The following TADA2A variants were observed in gnomAD, a reference collection of about 807,000 sequenced individuals.
TADA2A encodes the protein transcriptional adapter 2-alpha.
TADA2A carries 38 observed loss-of-function variants against 67.4 expected under a neutral mutation model. That is an observed-to-expected ratio of 0.56 (90% CI 0.44 to 0.74). TADA2A has a LOEUF of 0.74. Among genes scored for constraint, TADA2A ranks in the 30% least tolerant of loss-of-function variants. TADA2A has a pLI of 0.00. For missense variants in TADA2A, 454 were observed against 547.0 expected (o/e 0.83, Z 1.70); for synonymous variants, 192 against 181.6 (o/e 1.06, Z -0.46).
chr17:37,421,442 A>C (rs2052229631), intron 2 of TADA2A, among the ~76,000 whole-genome samples: 1 of 146,712 alleles, frequency 6.8e-6, no homozygotes, highest in Admixed American at 6.9e-5. Flanking sequence ...CTCAAATATA[A>C]AATAGTATAT....
intron 11 of TADA2A, among the ~76,000 whole-genome samples, chr17:37,466,139 G>A (rs2053660238): frequency 6.6e-6 from 1 of 152,176 alleles, no homozygotes; most frequent in Non-Finnish European, 1.5e-5. Context: ...GTTGTTATGA[G>A]GCCGGGCGTG....
At chr17:37,407,645 T>TC (rs2051639326) in intron 1 of TADA2A, 1 of 151,980 alleles carries the variant, frequency 6.6e-6, no homozygotes, top group Admixed American at 6.6e-5. Flanking sequence ...TTTTTTTTTT[T>TC]CTCCTAGGCT....
At chr17:37,418,016 G>T (rs889775488) in intron 2 of TADA2A, among the ~76,000 whole-genome samples, 11 of 152,086 alleles carry the variant, frequency 7.2e-5, no homozygotes, top group African/African-American at 2.7e-4. Flanking sequence ...CCCATATGTT[G>T]AATCACTGTG....
rs1597825894 is a variant in TADA2A, at chr17:37,407,421, A to G, written c.-98+472A>G. 3 of 152,420 alleles carry G rather than the reference A, an allele frequency of 2.0e-5. No individual in the cohort carries two copies. In the East Asian group the frequency reaches 5.8e-4, roughly 29 times the overall value. 9.4% of individuals were successfully genotyped at this position (152,420 alleles called of 1,614,324 possible). ...CCGTAAGGATTTGAACGTTGGCTCC[A>G]CAACTCGGGAGCCTGCGCCTTTCCT... On this transcript the variant is annotated intron_variant, in intron 1 of 15. Transcript: ENST00000615182.
chr17:37,412,088 G>A (rs1323744244), intron 2 of TADA2A, among the ~76,000 whole-genome samples: 2 of 152,032 alleles, frequency 1.3e-5, no homozygotes, highest in South Asian at 2.1e-4. Flanking sequence ...GCAGGCGCCT[G>A]TAGTCCCAGC....
chr17:37,442,484 A>G, intron 6 of TADA2A, 80 bp from the exon 7 acceptor site: 1 of 1,035,796 alleles, frequency 9.7e-7, no homozygotes, highest in Middle Eastern at 2.1e-4. Context: ...TTTAAATTTT[A>G]TTTATTCTTG....
chr17:37,421,209 TG>T (rs2052220821), intron 2 of TADA2A, among the ~76,000 whole-genome samples: 1 of 145,926 alleles, frequency 6.9e-6, no homozygotes, highest in South Asian at 2.2e-4. Flanking sequence ...AGTGAGACCC[TG>T]TCTCTACAAA....
intron 2 of TADA2A, among the ~76,000 whole-genome samples, chr17:37,413,746 C>A (rs1462553710): frequency 2.0e-5 from 3 of 150,622 alleles, no homozygotes; most frequent in African/African-American, 7.4e-5. Context: ...AAAGATGATT[C>A]CCCCCCCACC....
intron 2 of TADA2A, among the ~76,000 whole-genome samples, chr17:37,416,467 CT>C (rs1251712001): frequency 1.3e-5 from 2 of 151,944 alleles, no homozygotes; most frequent in Admixed American, 6.6e-5. Flanking sequence ...AGTATACTTG[CT>C]TTTTTACTTT....
chr17:37,445,823 C>T (rs1277506436), intron 8 of TADA2A, among the ~76,000 whole-genome samples: 1 of 151,924 alleles, frequency 6.6e-6, no homozygotes, highest in Non-Finnish European at 1.5e-5. Flanking sequence ...CTATTGGAAT[C>T]TGTATTTCCC....
intron 2 of TADA2A, among the ~76,000 whole-genome samples, chr17:37,413,918 C>T (rs952157037): frequency 8.5e-5 from 13 of 152,178 alleles, no homozygotes; most frequent in Non-Finnish European, 1.3e-4. Flanking sequence ...GCATAGCACT[C>T]GAGAGGTAGT....
intron 2 of TADA2A, among the ~76,000 whole-genome samples, chr17:37,420,049 C>CT (rs1180227384): frequency 6.9e-6 from 1 of 145,934 alleles, no homozygotes; most frequent in East Asian, 2.2e-4. Context: ...TGGCTGATGC[C>CT]TTTTTTAAAA....
chr17:37,416,046 A>G (rs1029345874), intron 2 of TADA2A, among the ~76,000 whole-genome samples: 6 of 150,814 alleles, frequency 4.0e-5, no homozygotes, highest in Non-Finnish European at 7.4e-5. Context: ...AGGCCATTTT[A>G]TGTCTCTTTT....
intron 4 of TADA2A, among the ~76,000 whole-genome samples, chr17:37,433,805 T>C (rs2147950590): frequency 6.6e-6 from 1 of 152,106 alleles, no homozygotes; most frequent in Middle Eastern, 3.4e-3. Context: ...ATACAAAAAA[T>C]TAGCCAGGTA....
intron 7 of TADA2A, among the ~76,000 whole-genome samples, chr17:37,443,105 C>T (rs1006539552): frequency 2.0e-5 from 3 of 151,906 alleles, no homozygotes; most frequent in Non-Finnish European, 4.4e-5. Flanking sequence ...AAGGCTGTAG[C>T]GAGTGGTGAT....
chr17:37,431,876 C>A (rs964139683), intron 4 of TADA2A, among the ~76,000 whole-genome samples: 2 of 152,098 alleles, frequency 1.3e-5, no homozygotes, highest in Non-Finnish European at 2.9e-5. Context: ...TAAACCATCA[C>A]CTTTCTAGAT....
chr17:37,440,393 TA>T, intron 5 of TADA2A, 111 bp from the exon 6 acceptor site: 1 of 1,213,338 alleles, frequency 8.2e-7, no homozygotes, highest in Non-Finnish European at 1.1e-6. Context: ...AATTTGGAAA[TA>T]TGAGAGTATA....
At chr17:37,475,782 A>T (rs2053881037) in intron 15 of TADA2A, among the ~76,000 whole-genome samples, 1 of 152,134 alleles carries the variant, frequency 6.6e-6, no homozygotes, top group African/African-American at 2.4e-5. Context: ...AAATTATGTG[A>T]CCTACTTTTT....
intron 2 of TADA2A, among the ~76,000 whole-genome samples, chr17:37,417,858 T>C (rs1271857300): frequency 5.9e-5 from 9 of 152,082 alleles, no homozygotes; most frequent in Non-Finnish European, 1.3e-4. Context: ...AAATTAAAAA[T>C]AATAATGCTC....
Sources: allele counts gnomAD v4.1 joint callset (sites outside exome capture counted in the v4.1 genomes callset), GRCh38; gene constraint gnomAD v4.1.1; transcripts MANE v1.5; gene names NCBI Gene and HGNC (gene_info 2026-07-23, HGNC 2026-07-21).